IL2RA: variants seen among roughly 807,000 people sequenced by gnomAD.
IL2RA encodes the protein interleukin 2 receptor subunit alpha.
A neutral mutation model predicts 37.8 loss-of-function variants in IL2RA; 24 were observed. That is an observed-to-expected ratio of 0.63 (90% CI 0.46 to 0.89). The LOEUF (loss-of-function observed/expected upper bound fraction) is 0.89, where lower values mean the gene tolerates loss of function less well. IL2RA is among the 40% of genes least tolerant of loss of function. IL2RA has a pLI of 0.00. For synonymous variants in IL2RA, 125 were observed against 114.6 expected (o/e 1.09, Z -0.58); for missense variants, 319 against 348.6 (o/e 0.92, Z 0.68).
At chr10:6,030,307 G>A (rs1471938059) in intron 1 of IL2RA, among the ~76,000 whole-genome samples, 1 of 152,136 alleles carries the variant, frequency 6.6e-6, no homozygotes, top group Non-Finnish European at 1.5e-5. Flanking sequence ...ACGGCACCAA[G>A]CAAGATACGT....
intron 1 of IL2RA, among the ~76,000 whole-genome samples, chr10:6,061,073 T>C (rs1239460766): frequency 6.6e-6 from 1 of 152,040 alleles, no homozygotes; most frequent in East Asian, 1.9e-4. Context: ...GAGGTAGAAG[T>C]TGGTGGTTTT....
At chr10:6,042,080 G>T (rs187367313) in intron 1 of IL2RA, among the ~76,000 whole-genome samples, 15 of 127,468 alleles carry the variant, frequency 1.2e-4, no homozygotes, top group African/African-American at 4.2e-4. Context: ...ATTACAAAAA[G>T]AAATTAATTC....
At chr10:6,016,255 C>A (rs187466133) in intron 7 of IL2RA, among the ~76,000 whole-genome samples, 3 of 152,350 alleles carry the variant, frequency 2.0e-5, no homozygotes, top group African/African-American at 7.2e-5. Flanking sequence ...CTTCTGCCTT[C>A]TGCCACAGGA....
In IL2RA at chr10:6,046,666, G is replaced by A. The variant is rs768674630; in HGVS notation, c.64+15422C>T. On this transcript the variant is annotated intron_variant, in intron 1 of 7. Coordinates refer to ENST00000379959, the MANE Select transcript of IL2RA (RefSeq NM_000417.3). The surrounding 1 kb of genome is among the most constrained non-coding windows in gnomAD (Gnocchi z 4.8). ...TGGCCCTCTTCTGCAGCCATGCTGA[G>A]AGGAAATACAGGCTTGCATTTCTCC... Among the ~76,000 whole-genome samples, 2 of 152,198 alleles carry A rather than the reference G, an allele frequency of 1.3e-5. No individual in the cohort carries two copies. Among genetic ancestry groups the A allele is most frequent in the Non-Finnish European group, 2.9e-5 (2 of 68,028 alleles).
Position 6,046,478 on chromosome 10 carries a change from C to T in IL2RA, c.64+15610G>A, listed in dbSNP as rs980562003. ...GGCACTGTGGGATTGATGGAGTGGA[C>T]AGCATAGAGCAGAGAGCTTACGGTT... On this transcript the variant is annotated intron_variant, in intron 1 of 7. Coordinates refer to ENST00000379959, the MANE Select transcript of IL2RA (RefSeq NM_000417.3). This position sits in a 1 kb window ranked among gnomAD's most constrained non-coding sequence, Gnocchi z 4.8. Among the ~76,000 whole-genome samples the T allele has an allele frequency of 2.6e-5, 4 of 152,194 alleles. No homozygotes were observed. The highest frequency in any genetic ancestry group is 2.9e-5 in the Non-Finnish European group (2 of 68,038).
rs1019999182 is a variant in IL2RA, at chr10:6,047,927, C to T, written c.64+14161G>A. On this transcript the variant is annotated intron_variant, in intron 1 of 7. Coordinates refer to ENST00000379959, the MANE Select transcript of IL2RA (RefSeq NM_000417.3). This position sits in a 1 kb window ranked among gnomAD's most constrained non-coding sequence, Gnocchi z 5.0. ...TGAGGTGATGTGTTCTTCTCATCTC[C>T]GTTCTCTAGAGGCAGGAACTAAGGC... 1.3e-5 allele frequency among the ~76,000 whole-genome samples: 2 copies of T among 152,172 alleles called. No homozygotes were observed. The highest frequency in any genetic ancestry group is 2.9e-5 in the Non-Finnish European group (2 of 68,024).
In IL2RA at chr10:6,058,553, G is replaced by A. The variant is rs1435588621; in HGVS notation, c.64+3535C>T. 2.0e-5 allele frequency among the ~76,000 whole-genome samples: 3 copies of A among 152,274 alleles called. No homozygotes were observed. The East Asian group carries it at 5.8e-4, about 29-fold the overall frequency. ...AAGAAGTTGAAAGATTAAATGTGAAGGGTTAAACATTTTGTGTTTGACTGA... is the reference window on the plus strand; with the variant it reads ...AAGAAGTTGAAAGATTAAATGTGAAAGGTTAAACATTTTGTGTTTGACTGA... On this transcript the variant is annotated intron_variant, in intron 1 of 7. Transcript: ENST00000379959. The surrounding 1 kb of genome is among the most constrained non-coding windows in gnomAD (Gnocchi z 4.2).
intron 1 of IL2RA, among the ~76,000 whole-genome samples, chr10:6,027,282 C>T (rs574101077): frequency 3.7e-4 from 56 of 151,908 alleles, no homozygotes; most frequent in African/African-American, 1.3e-3. Context: ...GCCGAGATCA[C>T]GCCACTGCAC....
intron 1 of IL2RA, among the ~76,000 whole-genome samples, chr10:6,049,649 C>T (rs1839916747): frequency 6.6e-6 from 1 of 152,246 alleles, no homozygotes; most frequent in South Asian, 2.1e-4. Flanking sequence ...CATTTCTCTG[C>T]AGTCCCAGAC....
intron 1 of IL2RA, among the ~76,000 whole-genome samples, chr10:6,027,187 G>A (rs558378210): frequency 8.5e-5 from 13 of 152,220 alleles, no homozygotes; most frequent in East Asian, 5.8e-4. Context: ...TTAGCCGGGC[G>A]TGGTGGCATG....
intron 1 of IL2RA, among the ~76,000 whole-genome samples, chr10:6,032,383 C>T (rs547677357): frequency 8.5e-4 from 129 of 152,192 alleles, no homozygotes; most frequent in African/African-American, 3.0e-3. Flanking sequence ...GTCTACTCAT[C>T]CAGAGACATT....
intron 6 of IL2RA, among the ~76,000 whole-genome samples, chr10:6,019,138 A>G (rs531420876): frequency 2.6e-5 from 4 of 152,260 alleles, no homozygotes; most frequent in Non-Finnish European, 5.9e-5. Flanking sequence ...CAACCTACCA[A>G]CCAACTAACC....
intron 1 of IL2RA, 175 bp from the exon 2 acceptor site, chr10:6,026,200 A>T (rs967884948): frequency 1.5e-6 from 1 of 681,536 alleles, no homozygotes; most frequent in African/African-American, 1.8e-5. Context: ...AAAGCTTTGT[A>T]TCAGAGCTGG....
In IL2RA at chr10:6,033,968, A is replaced by G. The variant is rs546632769; in HGVS notation, c.65-7943T>C. ...TAATTATTCATTAGCACAAATAACC[A>G]GGATTGACCTCAGATGTTTTTGGAA... is the stretch of plus-strand genomic sequence containing the variant. On this transcript the variant is annotated intron_variant, in intron 1 of 7. Coordinates refer to ENST00000379959, the MANE Select transcript of IL2RA (RefSeq NM_000417.3). This position sits in a 1 kb window ranked among gnomAD's most constrained non-coding sequence, Gnocchi z 4.3. 6.6e-5 allele frequency among the ~76,000 whole-genome samples: 10 copies of G among 152,388 alleles called. No homozygotes were observed. The highest frequency in any genetic ancestry group is 6.5e-4 in the Admixed American group (10 of 15,302).
At chr10:6,055,073 A>G (rs1434725512) in intron 1 of IL2RA, among the ~76,000 whole-genome samples, 2 of 152,068 alleles carry the variant, frequency 1.3e-5, no homozygotes, top group East Asian at 3.8e-4. Flanking sequence ...TAGCCTTGTT[A>G]CTCAAAATGG....
intron 1 of IL2RA, among the ~76,000 whole-genome samples, chr10:6,050,511 G>A (rs1472006956): frequency 6.6e-6 from 1 of 152,252 alleles, no homozygotes; most frequent in East Asian, 1.9e-4. Flanking sequence ...CATGGCGATG[G>A]GGCATGCCTG....
chr10:6,019,780 A>G, intron 5 of IL2RA, 90 bp downstream of exon 5: 1 of 1,220,130 alleles, frequency 8.2e-7, no homozygotes, highest in Non-Finnish European at 1.2e-6. Context: ...CCTACAGGTC[A>G]CCTCCGCCTA....
At chr10:6,013,644 G>A (rs904686347) in intron 7 of IL2RA, among the ~76,000 whole-genome samples, 2 of 152,084 alleles carry the variant, frequency 1.3e-5, no homozygotes, top group Non-Finnish European at 2.9e-5. Context: ...CTGATCACGC[G>A]GTTGGGAAGA....
rs1358314839 is a variant in IL2RA at position 6,031,442 on chromosome 10, GTATATATATATACATATA to G, written c.65-5435_65-5418del. ...AGAATTTAGCAAGTTAGCAATTTCA[GTATATATATATACATATA>G]TATATATATATATATATATATATAT... On this transcript the variant is annotated intron_variant, in intron 1 of 7. Transcript: ENST00000379959. Among the ~76,000 whole-genome samples, 30 of 54,042 alleles carry G rather than the reference GTATATATATATACATATA, an allele frequency of 5.6e-4. No homozygotes were observed. In the East Asian group the frequency reaches 7.5e-3, roughly 14 times the overall value. 35.5% of individuals were successfully genotyped at this position (54,042 alleles called of 152,430 possible).
Sources: gnomAD v4.1 joint callset for allele counts (sites outside exome capture counted in the v4.1 genomes callset) on GRCh38, gnomAD v4.1.1 for gene constraint, Gnocchi (gnomAD v3.1) non-coding constraint, MANE v1.5 for transcripts, NCBI Gene and HGNC (gene_info 2026-07-23, HGNC 2026-07-21) for gene names.